GPC5: variants seen among roughly 807,000 people sequenced by gnomAD.
GPC5 encodes the protein glypican-5.
Under a neutral mutation model 53.9 loss-of-function variants are expected in GPC5, and 47 were observed. The observed-to-expected ratio is 0.87, with a 90% CI of 0.69 to 1.11. The LOEUF is 1.11. Ranked by LOEUF, GPC5 falls within the 50% of genes most tolerant of loss-of-function variation. The pLI, the probability that GPC5 is intolerant of heterozygous loss-of-function variation, is 0.00. For synonymous variants in GPC5, 286 were observed against 263.3 expected (o/e 1.09, Z -0.84); for missense variants, 748 against 713.1 (o/e 1.05, Z -0.56).
rs570341894 is a variant in GPC5, at chr13:92,442,731, CA to C, written c.1561+297749del. 2.5e-3 allele frequency among the ~76,000 whole-genome samples: 381 copies of C among 152,060 alleles called. 1 individual carries two copies. The highest frequency in any genetic ancestry group is 4.3e-3 in the Non-Finnish European group (289 of 67,956). On this transcript the variant is annotated intron_variant, in intron 7 of 7. Transcript: ENST00000377067. ...CTGTGAAGACTGTTCTGAGCTACTCCAAAAAAACTCAAAAGCCCAACTGCAT... is the reference window on the plus strand; with the variant it reads ...CTGTGAAGACTGTTCTGAGCTACTCCAAAAAACTCAAAAGCCCAACTGCAT...
chr13:92,533,538 TG>T (rs545169575), intron 7 of GPC5, among the ~76,000 whole-genome samples: 1,682 of 152,268 alleles, frequency 0.011, 13 homozygotes, highest in Middle Eastern at 0.027. Flanking sequence ...AATATAAGCA[TG>T]TTTTTTTACA....
At chr13:91,771,644 A>G (rs1281543515) in intron 5 of GPC5, among the ~76,000 whole-genome samples, 5 of 152,212 alleles carry the variant, frequency 3.3e-5, no homozygotes, top group Non-Finnish European at 5.9e-5. Context: ...GGGTTAAAGG[A>G]CATGTGTAGG....
intron 5 of GPC5, among the ~76,000 whole-genome samples, chr13:91,810,910 A>G (rs1339717098): frequency 6.7e-6 from 1 of 149,614 alleles, no homozygotes; most frequent in Non-Finnish European, 1.5e-5. Context: ...GTTCCTTTTT[A>G]TTTAGAATCA....
In GPC5 at chr13:92,488,106, C is replaced by T. The variant is rs76843766; in HGVS notation, c.1561+343117C>T. Among the ~76,000 whole-genome samples, 346 of 152,006 alleles carry T rather than the reference C, an allele frequency of 2.3e-3. 2 individuals carry two copies. Among genetic ancestry groups the T allele is most frequent in the African/African-American group, 8.2e-3 (339 of 41,454 alleles). On this transcript the variant is annotated intron_variant, in intron 7 of 7. Transcript: ENST00000377067. ...ATGCATGAACATACATACCCAGATA[C>T]GTATGTGCCTGAGTGTGTGTGTGCG...
intron 4 of GPC5, among the ~76,000 whole-genome samples, chr13:91,750,931 G>C (rs1280223378): frequency 1.3e-5 from 2 of 151,570 alleles, no homozygotes; most frequent in Non-Finnish European, 2.9e-5. Flanking sequence ...CAAAGTGCTG[G>C]GATTACAGGT....
intron 5 of GPC5, among the ~76,000 whole-genome samples, chr13:91,887,281 G>A (rs999314957): frequency 2.8e-4 from 43 of 152,170 alleles, no homozygotes; most frequent in Admixed American, 7.2e-4. Flanking sequence ...TGGAGCGGCT[G>A]CAATGCAGGG....
intron 4 of GPC5, among the ~76,000 whole-genome samples, chr13:91,746,826 A>G (rs1451427684): frequency 6.6e-6 from 1 of 152,088 alleles, no homozygotes; most frequent in Non-Finnish European, 1.5e-5. Context: ...TAAAAATAAG[A>G]CTCTATTTAT....
intron 2 of GPC5, among the ~76,000 whole-genome samples, chr13:91,679,847 A>G (rs1020965221): frequency 6.6e-6 from 1 of 152,204 alleles, no homozygotes; most frequent in African/African-American, 2.4e-5. Context: ...TCTTCTGCAT[A>G]CCAAAGAGTA....
At chr13:91,469,283 A>G (rs1226591233) in intron 2 of GPC5, among the ~76,000 whole-genome samples, 1 of 151,724 alleles carries the variant, frequency 6.6e-6, no homozygotes, top group East Asian at 1.9e-4. Context: ...TCATTTTTGT[A>G]TTTTTGGTAG....
chr13:92,789,160 C>G (rs1485441824), intron 7 of GPC5, among the ~76,000 whole-genome samples: 2 of 152,098 alleles, frequency 1.3e-5, no homozygotes, highest in African/African-American at 4.8e-5. Flanking sequence ...GAAAGCACGG[C>G]TTCAACATCA....
In GPC5 at chr13:91,999,223, A is replaced by G. The variant is rs961881420; in HGVS notation, c.1401+91166A>G. Among the ~76,000 whole-genome samples the G allele has an allele frequency of 3.3e-5, 5 of 151,546 alleles. No individual in the cohort carries two copies. The East Asian group carries it at 9.6e-4, about 29-fold the overall frequency. ...CAAAATAACCTTTTTTTTTTCTGTA[A>G]TGCTATGAAACATACTCCAGTAAAG... On this transcript the variant is annotated intron_variant, in intron 6 of 7. Coordinates refer to ENST00000377067, the MANE Select transcript of GPC5 (RefSeq NM_004466.6).
chr13:91,952,468 C>A lies in GPC5; in HGVS notation c.1401+44411C>A, dbSNP rs76706154. Among the ~76,000 whole-genome samples the A allele has an allele frequency of 1.1e-3, 164 of 152,170 alleles. 2 individuals carry two copies. The East Asian group carries it at 0.016, about 15-fold the overall frequency. Reference sequence around the variant, plus strand: ...AATCAAAAGTTCTTCAGAACATGGCCCTGCTCTCACAAATCCATATTGGCA... The same window carrying A: ...AATCAAAAGTTCTTCAGAACATGGCACTGCTCTCACAAATCCATATTGGCA... On this transcript the variant is annotated intron_variant, in intron 6 of 7. Coordinates refer to ENST00000377067, the MANE Select transcript of GPC5 (RefSeq NM_004466.6).
intron 6 of GPC5, among the ~76,000 whole-genome samples, chr13:92,073,310 A>G (rs2041227695): frequency 6.6e-6 from 1 of 152,264 alleles, no homozygotes; most frequent in Admixed American, 6.5e-5. Context: ...CAGAAAAGCC[A>G]GAGGGCCATA....
At chr13:91,776,808 G>A (rs1371785341) in intron 5 of GPC5, among the ~76,000 whole-genome samples, 1 of 152,314 alleles carries the variant, frequency 6.6e-6, no homozygotes. Flanking sequence ...TCAAATGTCA[G>A]TGGTATGGCT....
At chr13:92,732,580 T>C (rs913835082) in intron 7 of GPC5, among the ~76,000 whole-genome samples, 1 of 151,650 alleles carries the variant, frequency 6.6e-6, no homozygotes, top group Non-Finnish European at 1.5e-5. Flanking sequence ...TACATGTCCA[T>C]TTATAACTCA....
chr13:92,439,109 G>T (rs1421809411), intron 7 of GPC5, among the ~76,000 whole-genome samples: 1 of 152,132 alleles, frequency 6.6e-6, no homozygotes, highest in Admixed American at 6.6e-5. Context: ...AGGGTGTGGA[G>T]TCTAAGAAGA....
intron 7 of GPC5, among the ~76,000 whole-genome samples, chr13:92,496,123 G>A (rs987528853): frequency 2.6e-5 from 4 of 152,062 alleles, no homozygotes; most frequent in Non-Finnish European, 4.4e-5. Flanking sequence ...CCTCCACATT[G>A]CAGGTGGTAG....
At chr13:91,934,861 T>G (rs778207499) in intron 6 of GPC5, among the ~76,000 whole-genome samples, 56 of 152,010 alleles carry the variant, frequency 3.7e-4, no homozygotes, top group Admixed American at 1.6e-3. Flanking sequence ...ATACCAACAT[T>G]GACCACAAGA....
At chr13:91,410,368 C>T (rs1166710543) in intron 1 of GPC5, among the ~76,000 whole-genome samples, 1 of 103,096 alleles carries the variant, frequency 9.7e-6, no homozygotes, top group Admixed American at 1.3e-4. Flanking sequence ...TTTTTTGAGA[C>T]CAAGTCTCTC....
Sources: gnomAD v4.1 joint callset for allele counts (sites outside exome capture counted in the v4.1 genomes callset) on GRCh38, gnomAD v4.1.1 for gene constraint, MANE v1.5 for transcripts, NCBI Gene and HGNC (gene_info 2026-07-23, HGNC 2026-07-21) for gene names.